The following PLXDC1 variants were observed in gnomAD, a reference collection of about 807,000 sequenced individuals.
The protein encoded by PLXDC1 is plexin domain-containing protein 1.
Under a neutral mutation model 61.3 loss-of-function variants are expected in PLXDC1, and 39 were observed. The observed-to-expected ratio is 0.64, with a 90% CI of 0.49 to 0.83. PLXDC1 has a LOEUF of 0.83. PLXDC1 is among the 40% of genes least tolerant of loss of function. The pLI is 0.00. For missense variants in PLXDC1, 596 were observed against 666.5 expected, an observed-to-expected ratio of 0.89 and a Z score of 1.17; for synonymous variants, 212 against 254.5, an observed-to-expected ratio of 0.83 and a Z score of 1.59.
intron 10 of PLXDC1, 47 bp from the exon 11 acceptor site, chr17:39,078,095 C>T: frequency 6.7e-7 from 1 of 1,497,490 alleles, no homozygotes; most frequent in East Asian, 2.5e-5. Flanking sequence ...TTACACCTTT[C>T]CCTTCATCCT....
chr17:39,089,295 T>C (rs1279851179), intron 7 of PLXDC1, among the ~76,000 whole-genome samples: 2 of 152,232 alleles, frequency 1.3e-5, no homozygotes, highest in African/African-American at 4.8e-5. Flanking sequence ...GGCTGTGAGC[T>C]GGACCAATCA....
chr17:39,068,675 G>A (rs545260406), intron 13 of PLXDC1, among the ~76,000 whole-genome samples: 6 of 152,112 alleles, frequency 3.9e-5, no homozygotes, highest in Admixed American at 1.3e-4. Flanking sequence ...AGACTGTCTC[G>A]AAATAAATAA....
intron 7 of PLXDC1, chr17:39,097,023 T>G (rs916195633): frequency 6.4e-6 from 3 of 471,052 alleles, no homozygotes; most frequent in African/African-American, 6.0e-5. Flanking sequence ...CTTGTGGTTT[T>G]CAGCCTCTTC....
intron 1 of PLXDC1, among the ~76,000 whole-genome samples, chr17:39,148,696 G>A (rs494344): frequency 1 from 152,225 of 152,234 alleles, 76,108 homozygotes; most frequent in Middle Eastern, 1. Flanking sequence ...CGGCCTCCCA[G>A]AGTGCTGGGA....
chr17:39,148,524 G>A (rs934457767), intron 1 of PLXDC1, among the ~76,000 whole-genome samples: 1 of 151,776 alleles, frequency 6.6e-6, no homozygotes, highest in African/African-American at 2.4e-5. Flanking sequence ...GAGATTACAG[G>A]CATGCACCAC....
At chr17:39,147,829 G>A (rs952846161) in intron 1 of PLXDC1, among the ~76,000 whole-genome samples, 6 of 152,194 alleles carry the variant, frequency 3.9e-5, no homozygotes, top group Non-Finnish European at 7.3e-5. Context: ...CGCAGGCACT[G>A]TGCTGGGTGC....
At chr17:39,081,266 A>G (rs949152609) in intron 9 of PLXDC1, 3 of 152,546 alleles carry the variant, frequency 2.0e-5, no homozygotes, top group African/African-American at 4.8e-5. Context: ...TCTATCCTAC[A>G]TATTCTTTCT....
intron 9 of PLXDC1, chr17:39,081,550 C>G (rs1909558444): frequency 6.6e-6 from 1 of 152,250 alleles, no homozygotes; most frequent in South Asian, 2.1e-4. Flanking sequence ...TGGCCAGAAC[C>G]CGGGAGGCGG....
intron 2 of PLXDC1, among the ~76,000 whole-genome samples, chr17:39,135,235 G>A (rs1911706209): frequency 6.6e-6 from 1 of 152,204 alleles, no homozygotes; most frequent in Non-Finnish European, 1.5e-5. Flanking sequence ...GGCTGTCAGA[G>A]GGACCTCCTT....
intron 2 of PLXDC1, among the ~76,000 whole-genome samples, chr17:39,120,550 T>A (rs1911128912): frequency 1.3e-5 from 2 of 152,158 alleles, no homozygotes; most frequent in Admixed American, 6.5e-5. Flanking sequence ...GCAAACTTCT[T>A]TATCTTAAAC....
At position 39,151,434 on chromosome 17, in the gene PLXDC1, G is replaced by T. The variant is rs1167302437; in HGVS notation, c.4C>A (p.Arg2=). 5.4e-6 allele frequency: 7 copies of T among 1,285,194 alleles called. No homozygotes were observed. Among genetic ancestry groups the T allele is most frequent in the South Asian group, 2.5e-5 (1 of 39,976 alleles). The allele number at this position is 1,285,194 out of a possible 1,614,324, so 79.6% of individuals were successfully genotyped here. ...AGCACCAGGAGCCAGAGCTCGCCTC[G>T]CATGGTGGGTGCCCGGACCTGCCCC... M[R]GELWLLVLVL... is the part of the protein sequence containing the mutation. Residue 2 remains arginine (R), a synonymous_variant, in exon 1 of 14, where the codon CGA becomes AGA. Coordinates refer to ENST00000315392, the MANE Select transcript of PLXDC1 (RefSeq NM_020405.5). The surrounding 1 kb of genome is among the most constrained non-coding windows in gnomAD (Gnocchi z 5.2).
intron 9 of PLXDC1, among the ~76,000 whole-genome samples, chr17:39,082,006 A>T (rs1909580474): frequency 6.6e-6 from 1 of 152,202 alleles, no homozygotes; most frequent in Non-Finnish European, 1.5e-5. Context: ...ATCTTCCTGA[A>T]TCACATGACC....
intron 7 of PLXDC1, among the ~76,000 whole-genome samples, chr17:39,089,335 A>G (rs1909865520): frequency 6.6e-6 from 1 of 152,158 alleles, no homozygotes; most frequent in South Asian, 2.1e-4. Flanking sequence ...TTCAACTGTA[A>G]CCAAGAGGCC....
rs942227657 is a variant in PLXDC1 at position 39,067,663 on chromosome 17, C to T, written c.*177G>A. 5.3e-6 allele frequency: 3 copies of T among 564,128 alleles called. No individual in the cohort carries two copies. Among genetic ancestry groups the T allele is most frequent in the Non-Finnish European group, 6.2e-6 (2 of 323,464 alleles). 34.9% of individuals were successfully genotyped at this position (564,128 alleles called of 1,614,324 possible). A position where few individuals can be genotyped will look rare whatever the true frequency, so the allele number is the denominator to read the frequency against. On this transcript the variant is annotated 3_prime_UTR_variant, in exon 14 of 14. Coordinates refer to ENST00000315392, the MANE Select transcript of PLXDC1 (RefSeq NM_020405.5). ...AAAAATCCATGTGGTTGTTTTTTGGCCCCCTCTTCAATATTCGGGGTGTGC... is the reference window on the plus strand; with the variant it reads ...AAAAATCCATGTGGTTGTTTTTTGGTCCCCTCTTCAATATTCGGGGTGTGC...
chr17:39,089,606 G>A (rs1242661382), intron 7 of PLXDC1, among the ~76,000 whole-genome samples: 1 of 152,158 alleles, frequency 6.6e-6, no homozygotes, highest in Non-Finnish European at 1.5e-5. Context: ...GTCACTAGAA[G>A]TAGGTGGGGA....
At chr17:39,143,800 C>A (rs888744707) in intron 1 of PLXDC1, among the ~76,000 whole-genome samples, 1 of 152,226 alleles carries the variant, frequency 6.6e-6, no homozygotes, top group Non-Finnish European at 1.5e-5. Context: ...CCCCAAGATG[C>A]CCACTGGCTG....
chr17:39,131,600 T>G (rs972254370), intron 2 of PLXDC1, among the ~76,000 whole-genome samples: 1 of 151,830 alleles, frequency 6.6e-6, no homozygotes, highest in South Asian at 2.1e-4. Context: ...TGATATGCCC[T>G]CCTTGGCCTC....
intron 9 of PLXDC1, 115 bp from the exon 10 acceptor site, chr17:39,079,279 G>T: frequency 1.2e-6 from 1 of 857,078 alleles, no homozygotes; most frequent in Non-Finnish European, 2.0e-6. Flanking sequence ...AGGTCCCCAG[G>T]CTGAGGTAGT....
intron 7 of PLXDC1, among the ~76,000 whole-genome samples, chr17:39,089,628 C>T (rs777475944): frequency 1.3e-5 from 2 of 152,150 alleles, no homozygotes; most frequent in East Asian, 1.9e-4. Flanking sequence ...ATACGTTTCT[C>T]GCTCGGCTGA....
Sources: gnomAD v4.1 joint callset for allele counts (sites outside exome capture counted in the v4.1 genomes callset) on GRCh38, gnomAD v4.1.1 for gene constraint, Gnocchi (gnomAD v3.1) non-coding constraint, MANE v1.5 for transcripts, NCBI Gene and HGNC (gene_info 2026-07-23, HGNC 2026-07-21) for gene names.